The following ATP8A2 variants were observed in gnomAD, a reference collection of about 807,000 sequenced individuals.
ATP8A2 encodes phospholipid-transporting ATPase IB.
ATP8A2 carries 100 observed loss-of-function variants against 165.6 expected under a neutral mutation model. The ratio of observed to expected loss-of-function variants is 0.60; its 90% CI spans 0.51 to 0.71. The LOEUF (loss-of-function observed/expected upper bound fraction) is 0.71, where lower values mean the gene tolerates loss of function less well. Ranked by LOEUF, ATP8A2 falls within the 30% of genes least tolerant of loss-of-function variation. ATP8A2 has a pLI of 0.00. For synonymous variants in ATP8A2, 543 were observed against 548.8 expected (o/e 0.99, Z 0.15); for missense variants, 1,227 against 1,479.5 (o/e 0.83, Z 2.80).
At chr13:25,567,113 G>A (rs1169558913) in intron 16 of ATP8A2, 6 of 309,896 alleles carry the variant, frequency 1.9e-5, no homozygotes, top group Non-Finnish European at 3.2e-5. Flanking sequence ...TGGGATTCTA[G>A]TGTTTGAAAG....
chr13:25,555,798 G>T (rs916814111), intron 13 of ATP8A2, among the ~76,000 whole-genome samples: 11 of 151,910 alleles, frequency 7.2e-5, no homozygotes, highest in African/African-American at 2.7e-4. Flanking sequence ...GTAGTCCCCA[G>T]TGTCTCTTGT....
Position 25,671,694 on chromosome 13 carries a change from C to G in ATP8A2, c.2212-27479C>G, listed in dbSNP as rs1020620292. Among the ~76,000 whole-genome samples, 12 of 152,134 alleles carry G rather than the reference C, an allele frequency of 7.9e-5. No homozygotes were observed. In the East Asian group the frequency reaches 1.5e-3, roughly 20 times the overall value. On this transcript the variant is annotated intron_variant, in intron 24 of 36. Coordinates refer to ENST00000381655, the MANE Select transcript of ATP8A2 (RefSeq NM_016529.6). ...TGGTCAGACCGGTTGATCTCAAAAC[C>G]CTGTCTCCTGATAAGATGTTATCAA...
intron 33 of ATP8A2, among the ~76,000 whole-genome samples, chr13:25,951,796 G>A (rs1487491463): frequency 6.6e-6 from 1 of 152,134 alleles, no homozygotes; most frequent in Non-Finnish European, 1.5e-5. Flanking sequence ...TTGTGCCTTG[G>A]TGACAAAAAA....
intron 33 of ATP8A2, among the ~76,000 whole-genome samples, chr13:25,900,388 C>T (rs908208349): frequency 5.3e-5 from 8 of 152,140 alleles, no homozygotes; most frequent in Admixed American, 5.2e-4. Context: ...CTCTGAGAGT[C>T]AGCCAAAACG....
chr13:25,762,929 A>T (rs1269041631), intron 25 of ATP8A2, among the ~76,000 whole-genome samples: 1 of 152,206 alleles, frequency 6.6e-6, no homozygotes, highest in Non-Finnish European at 1.5e-5. Context: ...GATGCAGCTG[A>T]TGGCGTTAGG....
At chr13:25,653,674 C>A (rs746843575) in intron 24 of ATP8A2, among the ~76,000 whole-genome samples, 1 of 151,962 alleles carries the variant, frequency 6.6e-6, no homozygotes, top group Non-Finnish European at 1.5e-5. Context: ...GAGAGCAGAC[C>A]GCACACAATG....
intron 27 of ATP8A2, among the ~76,000 whole-genome samples, chr13:25,791,802 T>G (rs2045186495): frequency 6.6e-6 from 1 of 152,228 alleles, no homozygotes; most frequent in Non-Finnish European, 1.5e-5. Flanking sequence ...TATTTGTTGA[T>G]CCGAAGATGG....
intron 33 of ATP8A2, among the ~76,000 whole-genome samples, chr13:25,914,868 T>G (rs1351550314): frequency 6.6e-6 from 1 of 152,198 alleles, no homozygotes; most frequent in Non-Finnish European, 1.5e-5. Flanking sequence ...AGCCATGGCT[T>G]TCACATGCCG....
chr13:25,379,443 A>G (rs1006074345), intron 1 of ATP8A2, among the ~76,000 whole-genome samples: 10 of 152,216 alleles, frequency 6.6e-5, no homozygotes, highest in African/African-American at 2.4e-4. Context: ...TGATATGTTA[A>G]TATCGGGGAG....
At chr13:25,586,285 G>T (rs1478682869) in intron 23 of ATP8A2, among the ~76,000 whole-genome samples, 1 of 152,212 alleles carries the variant, frequency 6.6e-6, no homozygotes, top group Non-Finnish European at 1.5e-5. Context: ...GATGAGAGGA[G>T]TTTAAAACTT....
chr13:25,710,536 A>G (rs900643445), intron 25 of ATP8A2, among the ~76,000 whole-genome samples: 1 of 152,106 alleles, frequency 6.6e-6, no homozygotes, highest in Non-Finnish European at 1.5e-5. Flanking sequence ...ATTTTTTTGA[A>G]ACAGGCTTTT....
chr13:25,753,011 G>A (rs1344706680), intron 25 of ATP8A2, among the ~76,000 whole-genome samples: 1 of 152,150 alleles, frequency 6.6e-6, no homozygotes, highest in Non-Finnish European at 1.5e-5. Context: ...TGGAGTACTG[G>A]GGGGCACCAC....
chr13:25,689,098 T>A (rs1411093731), intron 24 of ATP8A2, among the ~76,000 whole-genome samples: 1 of 152,236 alleles, frequency 6.6e-6, no homozygotes, highest in Non-Finnish European at 1.5e-5. Flanking sequence ...TTCAAAATAT[T>A]GAAGTTTTAA....
Position 26,023,240 on chromosome 13 carries a change from G to A in ATP8A2, c.*3255G>A, listed in dbSNP as rs1381700896. 1 of 152,194 alleles carries A rather than the reference G, an allele frequency of 6.6e-6. No homozygotes were observed. Among genetic ancestry groups the A allele is most frequent in the East Asian group, 1.9e-4 (1 of 5,198 alleles). 9.4% of individuals were successfully genotyped at this position (152,194 alleles called of 1,614,324 possible). A position where few individuals can be genotyped will look rare whatever the true frequency, so the allele number is the denominator to read the frequency against. On this transcript the variant is annotated 3_prime_UTR_variant, in exon 37 of 37. Coordinates refer to ENST00000381655, the MANE Select transcript of ATP8A2 (RefSeq NM_016529.6). ...TCTCCCAACACACACATGCACACAT[G>A]AAAACAAAAACATGGTAACTCTTTT...
chr13:25,777,973 C>T (rs889049449), intron 27 of ATP8A2, among the ~76,000 whole-genome samples: 46 of 152,222 alleles, frequency 3.0e-4, no homozygotes, highest in African/African-American at 9.6e-4. Flanking sequence ...TGTATACAAA[C>T]AAATCAAGGA....
chr13:26,009,017 C>T (rs1013965252), intron 35 of ATP8A2, among the ~76,000 whole-genome samples: 1 of 152,076 alleles, frequency 6.6e-6, no homozygotes, highest in Non-Finnish European at 1.5e-5. Context: ...ATATTAATTA[C>T]CCATACATAT....
chr13:25,914,401 G>A (rs1235002938), intron 33 of ATP8A2, among the ~76,000 whole-genome samples: 2 of 152,058 alleles, frequency 1.3e-5, no homozygotes, highest in Non-Finnish European at 2.9e-5. Context: ...TGTTTACTTG[G>A]CCACCTAAAC....
chr13:26,006,443 T>C (rs1367899219), intron 35 of ATP8A2, among the ~76,000 whole-genome samples: 1 of 152,066 alleles, frequency 6.6e-6, no homozygotes, highest in African/African-American at 2.4e-5. Context: ...TATAAGATCA[T>C]GTCATGTACA....
At chr13:25,452,454 G>A (rs1397812324) in intron 1 of ATP8A2, among the ~76,000 whole-genome samples, 2 of 151,876 alleles carry the variant, frequency 1.3e-5, no homozygotes, top group African/African-American at 4.8e-5. Flanking sequence ...ATTCCCGCTT[G>A]GCTGTGATAT....
Sources: allele counts gnomAD v4.1 joint callset (sites outside exome capture counted in the v4.1 genomes callset), GRCh38; gene constraint gnomAD v4.1.1; transcripts MANE v1.5; gene names NCBI Gene and HGNC (gene_info 2026-07-23, HGNC 2026-07-21).